The following NSMCE2 variants were observed in gnomAD, a reference collection of about 807,000 sequenced individuals.
The protein encoded by NSMCE2 is E3 SUMO-protein ligase NSE2.
Under a neutral mutation model 23.8 loss-of-function variants are expected in NSMCE2, and 24 were observed. That is an observed-to-expected ratio of 1.01 (90% CI 0.73 to 1.42). The LOEUF (loss-of-function observed/expected upper bound fraction) is 1.42, where lower values mean the gene tolerates loss of function less well. NSMCE2 is among the 40% of genes most tolerant of loss of function. NSMCE2 has a pLI of 0.00. For missense variants in NSMCE2, 284 were observed against 296.5 expected (o/e 0.96, Z 0.31); for synonymous variants, 92 against 94.1 (o/e 0.98, Z 0.13).
intron 5 of NSMCE2, among the ~76,000 whole-genome samples, chr8:125,293,475 G>GCTGA (rs1405489012): frequency 1.5e-5 from 2 of 137,464 alleles, no homozygotes; most frequent in African/African-American, 5.8e-5. Context: ...ACTGACTCCA[G>GCTGA]TGGGTTAATT....
chr8:125,137,052 G>T (rs780487159), intron 3 of NSMCE2, among the ~76,000 whole-genome samples: 1 of 151,846 alleles, frequency 6.6e-6, no homozygotes, highest in African/African-American at 2.4e-5. Context: ...AATTTTAAAG[G>T]ATTGATTTGC....
At chr8:125,106,071 CAT>C (rs929251918) in intron 3 of NSMCE2, among the ~76,000 whole-genome samples, 9 of 151,424 alleles carry the variant, frequency 5.9e-5, no homozygotes, top group African/African-American at 9.7e-5. Flanking sequence ...CACACACACA[CAT>C]TTTAACTAAT....
At chr8:125,195,879 C>CTTTTTTTTTTT (rs34687223) in intron 5 of NSMCE2, among the ~76,000 whole-genome samples, 3 of 83,658 alleles carry the variant, frequency 3.6e-5, no homozygotes, top group Admixed American at 1.5e-4. Context: ...TCCTGAATAA[C>CTTTTTTTTTTT]TTTTTTTTTT....
intron 5 of NSMCE2, among the ~76,000 whole-genome samples, chr8:125,217,520 A>G (rs1296638314): frequency 1.3e-5 from 2 of 151,784 alleles, no homozygotes; most frequent in African/African-American, 4.8e-5. Flanking sequence ...ACCGCCACAC[A>G]TGGCTAATTT....
intron 3 of NSMCE2, chr8:125,126,996 G>T (rs1466446946): frequency 6.6e-6 from 1 of 152,140 alleles, no homozygotes; most frequent in Non-Finnish European, 1.5e-5. Flanking sequence ...GGAGCTTTTG[G>T]CTCAGAAATG....
intron 5 of NSMCE2, among the ~76,000 whole-genome samples, chr8:125,294,355 G>T (rs1418382026): frequency 6.7e-6 from 1 of 149,546 alleles, no homozygotes; most frequent in Non-Finnish European, 1.5e-5. Context: ...GTGACTCTAT[G>T]TTTATCCTTT....
At chr8:125,092,141 C>T (rs1283703186) in intron 1 of NSMCE2, among the ~76,000 whole-genome samples, 183 bp downstream of exon 1, 3 of 152,310 alleles carry the variant, frequency 2.0e-5, no homozygotes, top group Non-Finnish European at 4.4e-5. Context: ...TCTCTCCATC[C>T]TTTCGCCTCA....
At chr8:125,244,744 T>G (rs982798460) in intron 5 of NSMCE2, among the ~76,000 whole-genome samples, 2 of 152,218 alleles carry the variant, frequency 1.3e-5, no homozygotes, top group Admixed American at 6.5e-5. Context: ...CATAAAACTT[T>G]CGTCCTATCA....
At chr8:125,347,785 G>C (rs1272648693) in intron 5 of NSMCE2, among the ~76,000 whole-genome samples, 1 of 152,196 alleles carries the variant, frequency 6.6e-6, no homozygotes, top group Non-Finnish European at 1.5e-5. Flanking sequence ...GTTGCATTGG[G>C]TTAGATTGGA....
At chr8:125,338,881 ATC>A (rs1056063843) in intron 5 of NSMCE2, among the ~76,000 whole-genome samples, 1 of 152,206 alleles carries the variant, frequency 6.6e-6, no homozygotes, top group African/African-American at 2.4e-5. Flanking sequence ...ACATCTTAGC[ATC>A]TCAGTTTAGG....
In NSMCE2 at chr8:125,333,127, A is replaced by G. The variant is rs201831023; in HGVS notation, c.419-24092A>G. ...CCCACTCCAGACCTGCCGAATCAGA[A>G]TCTCCAACAGTAGACCTAAGAATCT... On this transcript the variant is annotated intron_variant, in intron 5 of 7. Transcript: ENST00000287437. Among the ~76,000 whole-genome samples the G allele has an allele frequency of 3.9e-5, 6 of 152,206 alleles. No homozygotes were observed. In the East Asian group the frequency reaches 1.2e-3, roughly 29 times the overall value.
chr8:125,159,489 A>G (rs916798234), intron 4 of NSMCE2, among the ~76,000 whole-genome samples: 1 of 152,172 alleles, frequency 6.6e-6, no homozygotes, highest in Non-Finnish European at 1.5e-5. Context: ...TAGGAGTAAT[A>G]GGCTTACTAT....
intron 4 of NSMCE2, chr8:125,156,389 C>G (rs1821310536): frequency 6.5e-6 from 1 of 154,006 alleles, no homozygotes. Context: ...CCTCTAATAC[C>G]CTCTTTTATG....
At chr8:125,185,805 T>G (rs1039393077) in intron 5 of NSMCE2, among the ~76,000 whole-genome samples, 1 of 152,246 alleles carries the variant, frequency 6.6e-6, no homozygotes, top group Non-Finnish European at 1.5e-5. Flanking sequence ...GAAAAATTAT[T>G]GAGAAGAGTG....
intron 1 of NSMCE2, among the ~76,000 whole-genome samples, chr8:125,096,877 T>G (rs1485814755): frequency 6.6e-6 from 1 of 152,140 alleles, no homozygotes; most frequent in African/African-American, 2.4e-5. Flanking sequence ...CCCAAAGTGC[T>G]GGGATTACAG....
At chr8:125,344,275 C>G (rs955672200) in intron 5 of NSMCE2, among the ~76,000 whole-genome samples, 6 of 152,158 alleles carry the variant, frequency 3.9e-5, no homozygotes, top group African/African-American at 1.4e-4. Context: ...TATTTGGTCT[C>G]TTGAAGAGTA....
At chr8:125,348,556 G>A (rs11776254) in intron 5 of NSMCE2, 67,589 of 151,890 alleles carry the variant, frequency 0.44, 17,110 homozygotes, top group East Asian at 0.55. Flanking sequence ...TAATTCCCAC[G>A]TGTTGTGAGA....
chr8:125,232,159 G>A (rs1363838967), intron 5 of NSMCE2, among the ~76,000 whole-genome samples: 3 of 152,154 alleles, frequency 2.0e-5, no homozygotes, highest in East Asian at 1.9e-4. Flanking sequence ...TTGGGAGTTC[G>A]AGGCTAGCCT....
chr8:125,179,691 T>G (rs562317088), intron 4 of NSMCE2, among the ~76,000 whole-genome samples: 1 of 152,314 alleles, frequency 6.6e-6, no homozygotes, highest in East Asian at 1.9e-4. Context: ...GAAAGCACAG[T>G]GAATCACTAA....
Sources: allele counts gnomAD v4.1 joint callset (sites outside exome capture counted in the v4.1 genomes callset), GRCh38; gene constraint gnomAD v4.1.1; transcripts MANE v1.5; gene names NCBI Gene and HGNC (gene_info 2026-07-23, HGNC 2026-07-21).